Variants in ARLN observed in about 807,000 individuals in gnomAD.
The protein encoded by ARLN is sarcoplasmic/endoplasmic reticulum calcium ATPase regulator ARLN.
At chr4:119,300,341 C>T in the ARLN span, 1 of 1,606,724 alleles carries the variant, frequency 6.2e-7, no homozygotes, top group Non-Finnish European at 8.5e-7. Flanking sequence ...CTCACCATGG[C>T]AAAAAATACA....
chr4:119,302,596 A>G, the ARLN span, among the ~76,000 whole-genome samples: 147 of 152,376 alleles, frequency 9.6e-4, 1 homozygote, highest in Middle Eastern at 0.014. Context: ...ACTGAAATCC[A>G]GGTTCACTGT....
chr4:119,300,646 G>GCCGCGCC, the ARLN span: 1 of 1,571,786 alleles, frequency 6.4e-7, no homozygotes, highest in African/African-American at 1.4e-5. Flanking sequence ...TGCGCAGTGC[G>GCCGCGCC]CCGCGCCCCG....
chr4:119,300,429 GC>G, the ARLN span: 1 of 1,613,948 alleles, frequency 6.2e-7, no homozygotes, highest in South Asian at 1.1e-5. Context: ...AAGCCCATTT[GC>G]CCCAGACTGA....
At chr4:119,300,278 A>G in the ARLN span, 2 of 1,416,200 alleles carry the variant, frequency 1.4e-6, no homozygotes, top group Non-Finnish European at 2.0e-6. Context: ...CCCGCCCAAA[A>G]GCGAGCAAAT....
At chr4:119,300,382 T>G in the ARLN span, 1 of 1,612,870 alleles carries the variant, frequency 6.2e-7, no homozygotes, top group Non-Finnish European at 8.5e-7. Context: ...TCGAAAAGGA[T>G]GAAAAGCCAG....
the ARLN span, among the ~76,000 whole-genome samples, chr4:119,303,888 A>C: frequency 6.6e-6 from 1 of 152,164 alleles, no homozygotes; most frequent in Non-Finnish European, 1.5e-5. Context: ...CCATGCTCTA[A>C]CAAAGAAAGA....
At chr4:119,300,808 C>T in the ARLN span, 6 of 1,441,158 alleles carry the variant, frequency 4.2e-6, no homozygotes, top group African/African-American at 4.3e-5. Flanking sequence ...GCGTCCCAGG[C>T]AGATAGCTGG....
At chr4:119,298,426 C>A in the ARLN span, 196 of 182,938 alleles carry the variant, frequency 1.1e-3, no homozygotes, top group Non-Finnish European at 1.7e-3. Flanking sequence ...TCATAGTAAA[C>A]CCTGATCAAC....
the ARLN span, among the ~76,000 whole-genome samples, chr4:119,303,885 C>CT: frequency 1.3e-5 from 2 of 152,180 alleles, no homozygotes; most frequent in African/African-American, 4.8e-5. Context: ...CCTCCATGCT[C>CT]TAACAAAGAA....
At chr4:119,300,724 T>C in the ARLN span, 2 of 1,521,366 alleles carry the variant, frequency 1.3e-6, no homozygotes. Context: ...TTCCGCTGCC[T>C]CCGTGACCGC....
At chr4:119,300,522 G>A in the ARLN span, 4 of 1,614,116 alleles carry the variant, frequency 2.5e-6, no homozygotes, top group Non-Finnish European at 3.4e-6. Context: ...AACACCCGGT[G>A]CGTCCACCTC....
the ARLN span, among the ~76,000 whole-genome samples, chr4:119,301,549 C>T: frequency 6.6e-6 from 1 of 152,082 alleles, no homozygotes; most frequent in Non-Finnish European, 1.5e-5. Context: ...CCTCGTGGGT[C>T]CAATTTCAAA....
At chr4:119,297,606 C>A in the ARLN span, 1 of 152,108 alleles carries the variant, frequency 6.6e-6, no homozygotes, top group African/African-American at 2.4e-5. Context: ...ACATGCCCAG[C>A]TAATTTTTTT....
chr4:119,304,391 C>G, the ARLN span: 1 of 1,536,838 alleles, frequency 6.5e-7, no homozygotes, highest in South Asian at 1.2e-5. Flanking sequence ...CTATTATTTC[C>G]CTCTACATTC....
the ARLN span, chr4:119,298,822 C>A: frequency 1.3e-6 from 1 of 768,904 alleles, no homozygotes; most frequent in Non-Finnish European, 2.4e-6. Context: ...GCTTTATCTT[C>A]CCAGTTTTTA....
the ARLN span, among the ~76,000 whole-genome samples, chr4:119,299,332 T>C: frequency 6.6e-6 from 1 of 152,106 alleles, no homozygotes; most frequent in Non-Finnish European, 1.5e-5. Flanking sequence ...GGTGAAAATA[T>C]AGGATGGGGG....
At chr4:119,298,720 T>C in the ARLN span, 1 of 762,408 alleles carries the variant, frequency 1.3e-6, no homozygotes, top group African/African-American at 1.7e-5. Flanking sequence ...AAGAAGTTTG[T>C]AGCCATTTTC....
At chr4:119,300,725 C>A in the ARLN span, 3 of 1,521,314 alleles carry the variant, frequency 2.0e-6, no homozygotes, top group South Asian at 1.2e-5. Context: ...TCCGCTGCCT[C>A]CGTGACCGCT....
chr4:119,300,373 C>A, the ARLN span: 1 of 1,613,072 alleles, frequency 6.2e-7, no homozygotes, highest in Non-Finnish European at 8.5e-7. Flanking sequence ...ACCACCACAT[C>A]GAAAAGGATG....
Sources: gnomAD v4.1 joint callset for allele counts (sites outside exome capture counted in the v4.1 genomes callset) on GRCh38, gnomAD v4.1.1 for gene constraint, MANE v1.5 for transcripts, NCBI Gene and HGNC (gene_info 2026-07-23, HGNC 2026-07-21) for gene names.